Variants in RPS18 observed in about 807,000 individuals in gnomAD.
RPS18 encodes ribosomal protein S18.
For synonymous variants in RPS18, 64 were observed against 70.9 expected (o/e 0.90, Z 0.49); for missense variants, 49 against 200.8 (o/e 0.24, Z 4.57).
chr6:33,274,741 A>G (rs1765513442), intron 2 of RPS18, among the ~76,000 whole-genome samples: 1 of 152,156 alleles, frequency 6.6e-6, no homozygotes, highest in Admixed American at 6.5e-5. Context: ...CATTGGATCT[A>G]GAGCCCACCC....
At position 33,272,079 on chromosome 6, in the gene RPS18, C is replaced by T. The variant is rs777379041; in HGVS notation, c.-41C>T. The stretch of plus-strand genomic sequence containing the variant: ...TGATATCGCGTCACTTCCGCTCTCT[C>T]TTCCACAGGAGGCCTACACGCCGCC... On this transcript the variant is annotated 5_prime_UTR_variant, in exon 1 of 6. Transcript: ENST00000439602. 7.0e-6 allele frequency: 11 copies of T among 1,561,380 alleles called. No individual in the cohort carries two copies. The highest frequency in any genetic ancestry group is 5.7e-5 in the Admixed American group (3 of 52,712).
intron 2 of RPS18, among the ~76,000 whole-genome samples, chr6:33,273,585 CTG>C (rs1295643505): frequency 6.6e-6 from 1 of 152,110 alleles, no homozygotes; most frequent in Non-Finnish European, 1.5e-5. Flanking sequence ...GTTGGGTGCT[CTG>C]TGAAACTAAT....
chr6:33,273,009 C>T lies in RPS18; in HGVS notation c.102+283C>T, dbSNP rs1163423922. 4.6e-5 allele frequency among the ~76,000 whole-genome samples: 7 copies of T among 152,340 alleles called. No individual in the cohort carries two copies. In the East Asian group the frequency reaches 1.3e-3, roughly 29 times the overall value. On this transcript the variant is annotated intron_variant, in intron 2 of 5. Coordinates refer to ENST00000439602, the MANE Select transcript of RPS18 (RefSeq NM_022551.3). ...CTCACCCGAATTCGCTAAGATTTTC[C>T]TGAACCACGAGCTTGTGAGATTTCT...
At chr6:33,272,379 T>G in intron 1 of RPS18, 1 of 605,794 alleles carries the variant, frequency 1.7e-6, no homozygotes, top group Non-Finnish European at 2.9e-6. Flanking sequence ...CACGCACTTT[T>G]GGGAATGGGC....
At position 33,272,746 on chromosome 6, in the gene RPS18, G is replaced by C. The variant is rs139571817; in HGVS notation, c.102+20G>C. 1.8e-5 allele frequency: 21 copies of C among 1,159,622 alleles called. No individual in the cohort carries two copies. The highest frequency in any genetic ancestry group is 1.2e-4 in the African/African-American group (8 of 66,598). 71.8% of individuals were successfully genotyped at this position (1,159,622 alleles called of 1,614,324 possible). A position where few individuals can be genotyped will look rare whatever the true frequency, so the allele number is the denominator to read the frequency against. Reference sequence around the variant, plus strand: ...ATTAAGGTAAGTGAAGTAGGGTAAGGAATAGGGAATGTAAATGAGAATTGG... The same window carrying C: ...ATTAAGGTAAGTGAAGTAGGGTAAGCAATAGGGAATGTAAATGAGAATTGG... On this transcript the variant is annotated intron_variant, in intron 2 of 5. Coordinates refer to ENST00000439602, the MANE Select transcript of RPS18 (RefSeq NM_022551.3).
At position 33,276,156 on chromosome 6, in the gene RPS18, G is replaced by C. The variant is rs374907640; in HGVS notation, c.292-20G>C. The C allele has an allele frequency of 3.1e-6, 5 of 1,611,554 alleles. No individual in the cohort carries two copies. In the African/African-American group the frequency reaches 5.3e-5, roughly 17 times the overall value. ...GAGGTCAGGGGATAAAACATCCCTT[G>C]CCCCCTCCTCTGAATCCAGGTCCTA... On this transcript the variant is annotated intron_variant, in intron 4 of 5. Coordinates refer to ENST00000439602, the MANE Select transcript of RPS18 (RefSeq NM_022551.3).
At chr6:33,273,265 ACATC>A (rs1258669051) in intron 2 of RPS18, among the ~76,000 whole-genome samples, 19 of 152,242 alleles carry the variant, frequency 1.2e-4, no homozygotes, top group African/African-American at 4.1e-4. Context: ...GTGAAGGAGT[ACATC>A]CATCTTTCTT....
At chr6:33,272,486 G>C (rs999526916) in intron 1 of RPS18, 142 bp from the exon 2 acceptor site, 5 of 712,550 alleles carry the variant, frequency 7.0e-6, no homozygotes, top group African/African-American at 1.7e-5. Flanking sequence ...TCTGTGGTGT[G>C]AAAACCTAAG....
chr6:33,273,392 C>G (rs213207), intron 2 of RPS18, among the ~76,000 whole-genome samples: 2 of 151,524 alleles, frequency 1.3e-5, no homozygotes, highest in Non-Finnish European at 2.9e-5. Flanking sequence ...CTTTTTTTTT[C>G]CCTTAAGTCA....
In RPS18 at chr6:33,272,197, A is replaced by G. The variant is rs565421051; in HGVS notation, c.3+75A>G. ...GGAAAGCCGGCTGTCAGGGTTCTGG[A>G]AACGTCCTGCCCTGAGGGCCTGCGA... On this transcript the variant is annotated intron_variant, in intron 1 of 5. Coordinates refer to ENST00000439602, the MANE Select transcript of RPS18 (RefSeq NM_022551.3). 295 of 1,513,414 alleles carry G rather than the reference A, an allele frequency of 1.9e-4. 4 individuals carry two copies. In the Admixed American group the frequency reaches 3.4e-3, roughly 17 times the overall value. 93.7% of individuals were successfully genotyped at this position (1,513,414 alleles called of 1,614,324 possible).
intron 1 of RPS18, 32 bp downstream of exon 1, chr6:33,272,154 G>A (rs2150871954): frequency 6.4e-7 from 1 of 1,556,538 alleles, no homozygotes; most frequent in Non-Finnish European, 8.7e-7. Flanking sequence ...TGATCCAGCG[G>A]CATCGCAGCT....
chr6:33,275,077 T>C (rs555820727), intron 2 of RPS18, among the ~76,000 whole-genome samples: 2 of 152,272 alleles, frequency 1.3e-5, no homozygotes, highest in South Asian at 4.1e-4. Context: ...TTGTGACCCT[T>C]AGAGATTCTG....
intron 2 of RPS18, chr6:33,275,456 C>T (rs1765564975): frequency 3.6e-6 from 1 of 279,678 alleles, no homozygotes. Context: ...GCTGGGATTA[C>T]AGGCACCTGC....
chr6:33,275,791 A>G lies in RPS18; in HGVS notation c.103-6A>G. 1.3e-6 allele frequency: 2 copies of G among 1,593,382 alleles called. No homozygotes were observed. Among genetic ancestry groups the G allele is most frequent in the Non-Finnish European group, 8.6e-7 (1 of 1,162,300 alleles). The stretch of plus-strand genomic sequence containing the variant: ...CACTAATTCCGAAACCCCTCACTTC[A>G]TTCAGGGTGTGGGCCGAAGATATGC... On this transcript the variant is annotated splice_region_variant and splice_polypyrimidine_tract_variant and intron_variant, in intron 2 of 5. Transcript: ENST00000439602.
In RPS18 at chr6:33,274,584, C is replaced by T. The variant is rs150354333; in HGVS notation, c.103-1213C>T. ...AAACTAAGCAGAAAATTACTCTTGG[C>T]GCTGGAGGCACTTAAGAATCCTACC... On this transcript the variant is annotated intron_variant, in intron 2 of 5. Transcript: ENST00000439602. 2.0e-3 allele frequency among the ~76,000 whole-genome samples: 310 copies of T among 152,308 alleles called. 1 individual carries two copies. The highest frequency in any genetic ancestry group is 6.8e-3 in the Middle Eastern group (2 of 294).
chr6:33,276,337 C>T, intron 5 of RPS18, 54 bp from the exon 6 acceptor site: 1 of 1,607,632 alleles, frequency 6.2e-7, no homozygotes, highest in Middle Eastern at 1.7e-4. Flanking sequence ...TCTTTTTCCC[C>T]AACCTTTTGT....
At chr6:33,272,435 G>A in intron 1 of RPS18, 193 bp from the exon 2 acceptor site, 1 of 620,814 alleles carries the variant, frequency 1.6e-6, no homozygotes, top group Non-Finnish European at 2.9e-6. Context: ...TCCCAAGCTT[G>A]AACGCTTCAT....
Position 33,272,729 on chromosome 6 carries a change from A to G in RPS18, c.102+3A>G, listed in dbSNP as rs464921. On this transcript the variant is annotated splice_donor_region_variant and intron_variant, in intron 2 of 5. Transcript: ENST00000439602. ...CCTTTGCCATCACTGCCATTAAGGT[A>G]AGTGAAGTAGGGTAAGGAATAGGGA... 199,704 of 1,437,904 alleles carry G rather than the reference A, an allele frequency of 0.14. 15,267 individuals are homozygous for G. The highest frequency in any genetic ancestry group is 0.21 in the South Asian group (18,217 of 87,478). 89.1% of individuals were successfully genotyped at this position (1,437,904 alleles called of 1,614,324 possible). A position where few individuals can be genotyped will look rare whatever the true frequency, so the allele number is the denominator to read the frequency against.
In RPS18 at chr6:33,276,372, CTT is replaced by C; in HGVS notation, c.384-18_384-17del. 1.2e-6 allele frequency: 2 copies of C among 1,613,592 alleles called. No individual in the cohort carries two copies. Among genetic ancestry groups the C allele is most frequent in the Admixed American group, 1.7e-5 (1 of 59,990 alleles). On this transcript the variant is annotated splice_polypyrimidine_tract_variant and intron_variant, in intron 5 of 5. Transcript: ENST00000439602. Reference sequence around the variant, plus strand: ...TTTCTGCTGTGCATGACCTGTGACTCTTCTCTTTTTACCTGCAGCCTTCGTGT... The same window carrying C: ...TTTCTGCTGTGCATGACCTGTGACTCCTCTTTTTACCTGCAGCCTTCGTGT...
Sources: allele counts gnomAD v4.1 joint callset (sites outside exome capture counted in the v4.1 genomes callset), GRCh38; gene constraint gnomAD v4.1.1; transcripts MANE v1.5; gene names NCBI Gene and HGNC (gene_info 2026-07-23, HGNC 2026-07-21).